SYNRG: variants seen among roughly 807,000 people sequenced by gnomAD.
SYNRG encodes the protein synergin gamma, also known as AP1 gamma subunit binding protein 1.
Under a neutral mutation model 130.9 loss-of-function variants are expected in SYNRG, and 37 were observed. That is an observed-to-expected ratio of 0.28 (90% CI 0.22 to 0.37). The LOEUF (loss-of-function observed/expected upper bound fraction) is 0.37. Among genes scored for constraint, SYNRG ranks in the 10% least tolerant of loss-of-function variants. The probability of loss-of-function intolerance (pLI) is 1.00; values close to 1 mark genes in which losing one functional copy is unlikely to be tolerated. For synonymous variants in SYNRG, 539 were observed against 568.1 expected (o/e 0.95, Z 0.73); for missense variants, 1,338 against 1,588.9 (o/e 0.84, Z 2.68).
chr17:37,604,240 T>TAA (rs202156948), intron 1 of SYNRG, among the ~76,000 whole-genome samples: 2 of 142,078 alleles, frequency 1.4e-5, no homozygotes, highest in African/African-American at 2.6e-5. Context: ...ACTCTGTCTA[T>TAA]AAAAAAAAAA....
At chr17:37,559,512 A>G (rs2059367704) in intron 13 of SYNRG, among the ~76,000 whole-genome samples, 1 of 152,204 alleles carries the variant, frequency 6.6e-6, no homozygotes, top group Admixed American at 6.5e-5. Context: ...CAACATGGTG[A>G]AACCCCGTTT....
At chr17:37,520,155 A>C (rs2054811313) in intron 21 of SYNRG, 24 bp downstream of exon 21, 2 of 1,613,994 alleles carry the variant, frequency 1.2e-6, no homozygotes, top group Admixed American at 3.3e-5. Context: ...GGAGACGCTA[A>C]GATAAGGTGT....
Position 37,596,276 on chromosome 17 carries a change from T to C in SYNRG, c.187A>G (p.Ile63Val), listed in dbSNP as rs761182242. The stretch of plus-strand genomic sequence containing the variant: ...TGAGAGCTGTAATTCATTCCCATAA[T>C]GCCTTGCATATTAGGCTGCATGACA... ...VSVMQPNMQGIMGMNYSSQMS... is the reference protein window; with the variant it reads ...VSVMQPNMQGVMGMNYSSQMS... The change falls in exon 3 of 22, where the codon ATT (isoleucine) becomes GTT (valine). Residue 63 changes from isoleucine (I) to valine (V), a missense_variant. Around this residue, in one of 3 missense-constraint regions of SYNRG, gnomAD observed 184 missense variants for 217.2 expected, o/e 0.85. Coordinates refer to ENST00000612223, the MANE Select transcript of SYNRG (RefSeq NM_007247.6). 1 of 1,614,200 alleles carries C rather than the reference T, an allele frequency of 6.2e-7. No individual in the cohort carries two copies. Among genetic ancestry groups the C allele is most frequent in the Admixed American group, 1.7e-5 (1 of 60,030 alleles).
At chr17:37,581,870 T>G (rs1240016707) in intron 6 of SYNRG, among the ~76,000 whole-genome samples, 1 of 151,772 alleles carries the variant, frequency 6.6e-6, no homozygotes, top group Non-Finnish European at 1.5e-5. Flanking sequence ...GTTCAAGAGA[T>G]TCTCCTGCCT....
At chr17:37,564,767 T>G (rs904921696) in intron 11 of SYNRG, among the ~76,000 whole-genome samples, 1 of 152,244 alleles carries the variant, frequency 6.6e-6, no homozygotes, top group Non-Finnish European at 1.5e-5. Context: ...ACATTTTATA[T>G]GTACATTTAA....
Position 37,570,652 on chromosome 17 carries a change from G to T in SYNRG, c.1332C>A (p.Thr444=). The part of the protein sequence containing the change: ...AAQASSGFIP[T]YPANQVVKPE... The stretch of plus-strand genomic sequence containing the variant: ...CGCCATTTACCTGATTTGCAGGGTA[G>T]GTTGGTATGAAACCACTAGAAGCCT... The change falls in exon 10 of 22, where the codon ACC becomes ACA. Residue 444 remains threonine, a synonymous_variant. Coordinates refer to ENST00000612223, the MANE Select transcript of SYNRG (RefSeq NM_007247.6). The T allele has an allele frequency of 6.2e-7, 1 of 1,613,618 alleles. No homozygotes were observed. Among genetic ancestry groups the T allele is most frequent in the Middle Eastern group, 1.7e-4 (1 of 6,032 alleles).
At chr17:37,523,097 A>G (rs570140147) in intron 19 of SYNRG, among the ~76,000 whole-genome samples, 2 of 152,298 alleles carry the variant, frequency 1.3e-5, no homozygotes, top group Admixed American at 1.3e-4. Context: ...AAGAACTAGA[A>G]TGTTTTAAGT....
At position 37,586,564 on chromosome 17, in the gene SYNRG, CA is replaced by C. The variant is rs1230554560; in HGVS notation, c.241-16del. Reference sequence around the variant, plus strand: ...GGTATTCCTGCCTAGAAGAAACAGACAAAGGCTTAAAAAACACAATTTATCC... The same window carrying C: ...GGTATTCCTGCCTAGAAGAAACAGACAAGGCTTAAAAAACACAATTTATCC... On this transcript the variant is annotated splice_polypyrimidine_tract_variant and intron_variant, in intron 3 of 21. Coordinates refer to ENST00000612223, the MANE Select transcript of SYNRG (RefSeq NM_007247.6). The C allele has an allele frequency of 1.9e-6, 3 of 1,613,134 alleles. No individual in the cohort carries two copies. The highest frequency in any genetic ancestry group is 1.7e-6 in the Non-Finnish European group (2 of 1,179,580).
Position 37,542,335 on chromosome 17 carries a change from CT to C in SYNRG, c.2838del (p.Val947Ter). 1.2e-6 allele frequency: 2 copies of C among 1,614,208 alleles called. No individual in the cohort carries two copies. Among genetic ancestry groups the C allele is most frequent in the Non-Finnish European group, 1.7e-6 (2 of 1,180,036 alleles). On this transcript the variant is annotated frameshift_variant, in exon 15 of 22. Transcript: ENST00000612223. LOFTEE classifies it high-confidence loss of function. ...GCATCTTCACTTACAAAGGTCGTTA[CT>C]TTGGAGAGAGATGTCATGGTGATGT... is the stretch of plus-strand genomic sequence containing the variant. The part of the protein sequence containing the change: ...SENITMTSLS[K>X]VTTFVSEDAL...
At chr17:37,575,230 G>A (rs1451627827) in intron 8 of SYNRG, among the ~76,000 whole-genome samples, 2 of 152,058 alleles carry the variant, frequency 1.3e-5, no homozygotes, top group Admixed American at 1.3e-4. Context: ...ATAAGATCTA[G>A]TATTTGATAG....
chr17:37,520,295 C>G, intron 20 of SYNRG, 81 bp from the exon 21 acceptor site: 1 of 1,578,046 alleles, frequency 6.3e-7, no homozygotes, highest in South Asian at 1.1e-5. Flanking sequence ...TACAGGTTCA[C>G]CCTTTTCCCC....
At position 37,574,647 on chromosome 17, in the gene SYNRG, A is replaced by G. The variant is rs116982002; in HGVS notation, c.901+1694T>C. On this transcript the variant is annotated intron_variant, in intron 8 of 21. Coordinates refer to ENST00000612223, the MANE Select transcript of SYNRG (RefSeq NM_007247.6). The stretch of plus-strand genomic sequence containing the variant: ...ATGCAAACAGCAAACAAGTTTATGA[A>G]AAGAGGCTCAACATCACTGATCATC... 2.1e-4 allele frequency among the ~76,000 whole-genome samples: 32 copies of G among 152,298 alleles called. No individual in the cohort carries two copies. In the East Asian group the frequency reaches 5.0e-3, roughly 24 times the overall value.
chr17:37,569,695 CAA>C (rs58479763), intron 10 of SYNRG, among the ~76,000 whole-genome samples: 14 of 87,740 alleles, frequency 1.6e-4, no homozygotes, highest in Admixed American at 2.3e-4. Context: ...CAAAATGCTA[CAA>C]AAAAAAAAAA....
intron 14 of SYNRG, among the ~76,000 whole-genome samples, chr17:37,549,368 G>A (rs1283704051): frequency 6.6e-6 from 1 of 152,006 alleles, no homozygotes; most frequent in Non-Finnish European, 1.5e-5. Flanking sequence ...TATTTTCCAT[G>A]TTTGGCCTAC....
chr17:37,549,477 T>A (rs1339528594), intron 14 of SYNRG, among the ~76,000 whole-genome samples: 2 of 152,122 alleles, frequency 1.3e-5, no homozygotes, highest in Admixed American at 1.3e-4. Context: ...TAAAGTAACA[T>A]GTTTTAAGAA....
intron 6 of SYNRG, chr17:37,584,416 T>C (rs1381187245): frequency 9.7e-6 from 4 of 411,198 alleles, no homozygotes; most frequent in Non-Finnish European, 1.3e-5. Context: ...GGTGAAATTG[T>C]CATACTGATA....
intron 19 of SYNRG, among the ~76,000 whole-genome samples, chr17:37,534,733 G>C (rs2057025643): frequency 6.6e-6 from 1 of 151,914 alleles, no homozygotes. Flanking sequence ...AACTCTTAAA[G>C]ACTTTAATAT....
In SYNRG at chr17:37,571,804, A is replaced by G. The variant is rs1484281942; in HGVS notation, c.1085T>C (p.Ile362Thr). The change falls in exon 9 of 22, where the codon ATA becomes ACA. Residue 362 changes from isoleucine (I) to threonine (T), a missense_variant. By Grantham distance (89) the Ile-to-Thr change is moderately conservative (BLOSUM62 -1). Transcript: ENST00000612223. ...AACATTGTTTACCTGTGTTACCGCT[A>G]TCATGGCTAGAACGGTATAAAGTTC... ...KEELYTVLAM[I>T]AVTQRGVPAM... 1 of 1,610,114 alleles carries G rather than the reference A, an allele frequency of 6.2e-7. No individual in the cohort carries two copies. Among genetic ancestry groups the G allele is most frequent in the Non-Finnish European group, 8.5e-7 (1 of 1,178,750 alleles).
chr17:37,553,148 G>T lies in SYNRG; in HGVS notation c.2575C>A (p.Pro859Thr). Reference sequence around the variant, plus strand: ...GGAGGATGCTGGCCACTAACTGTTGGTAAATCCAAAGAGCTATCAGACATG... The same window carrying T: ...GGAGGATGCTGGCCACTAACTGTTGTTAAATCCAAAGAGCTATCAGACATG... ...HVMSDSSLDL[P>T]TVSGQHPPAA... is the part of the protein sequence containing the mutation. Residue 859 changes from proline to threonine, a missense_variant, in exon 14 of 22, where the codon CCA (proline) becomes ACA (threonine). Transcript: ENST00000612223. The T allele has an allele frequency of 6.2e-7, 1 of 1,613,676 alleles. No homozygotes were observed.
Sources: allele counts gnomAD v4.1 joint callset (sites outside exome capture counted in the v4.1 genomes callset), GRCh38; gene constraint gnomAD v4.1.1; regional missense constraint gnomAD v4.1.1; transcripts MANE v1.5; gene names NCBI Gene and HGNC (gene_info 2026-07-23, HGNC 2026-07-21).